Variants in CTNNBL1 observed in about 807,000 individuals in gnomAD.
The protein encoded by CTNNBL1 is catenin beta like 1.
CTNNBL1 carries 31 observed loss-of-function variants against 72.7 expected under a neutral mutation model. The observed-to-expected ratio is 0.43, with a 90% CI of 0.32 to 0.58. The LOEUF (loss-of-function observed/expected upper bound fraction) is 0.58. CTNNBL1 is among the 20% of genes least tolerant of loss of function. The probability of loss-of-function intolerance (pLI) is 0.08; values close to 1 mark genes in which losing one functional copy is unlikely to be tolerated. For synonymous variants in CTNNBL1, 240 were observed against 267.3 expected (o/e 0.90, Z 1.00); for missense variants, 534 against 725.1 (o/e 0.74, Z 3.03).
chr20:37,840,204 G>A lies in CTNNBL1; in HGVS notation c.1311+5G>A. ...ACTGAAAATGACAGTGAGAAGGTGG[G>A]TGACTGTTGGACTGTAAAGCTGGGA... On this transcript the variant is annotated splice_donor_5th_base_variant and intron_variant, in intron 12 of 15. Transcript: ENST00000361383. The A allele has an allele frequency of 6.3e-7, 1 of 1,599,784 alleles. No individual in the cohort carries two copies. The highest frequency in any genetic ancestry group is 8.6e-7 in the Non-Finnish European group (1 of 1,167,642).
chr20:37,701,142 A>T (rs1404647973), intron 1 of CTNNBL1, among the ~76,000 whole-genome samples: 1 of 152,178 alleles, frequency 6.6e-6, no homozygotes, highest in African/African-American at 2.4e-5. Context: ...TTTATGTTCT[A>T]TGTTTTTAAT....
At chr20:37,800,461 T>A (rs1240007453) in intron 10 of CTNNBL1, among the ~76,000 whole-genome samples, 1 of 152,190 alleles carries the variant, frequency 6.6e-6, no homozygotes, top group Non-Finnish European at 1.5e-5. Context: ...TTCCTGATGG[T>A]GAAATCTGGT....
In CTNNBL1 at chr20:37,854,612, C is replaced by T. The variant is rs550685701; in HGVS notation, c.1393-5287C>T. 3.8e-4 allele frequency among the ~76,000 whole-genome samples: 55 copies of T among 145,112 alleles called. 2 individuals are homozygous for T. The South Asian group carries it at 0.011, about 28-fold the overall frequency. On this transcript the variant is annotated intron_variant, in intron 13 of 15. Coordinates refer to ENST00000361383, the MANE Select transcript of CTNNBL1 (RefSeq NM_030877.5). Reference sequence around the variant, plus strand: ...TTATTATTATTATTATTATTTGAGACGGAGTTTTGCTCTGTGCCCCAGGCT... The same window carrying T: ...TTATTATTATTATTATTATTTGAGATGGAGTTTTGCTCTGTGCCCCAGGCT...
intron 13 of CTNNBL1, among the ~76,000 whole-genome samples, chr20:37,850,051 C>T (rs548994782): frequency 4.6e-5 from 7 of 152,224 alleles, no homozygotes; most frequent in Non-Finnish European, 1.0e-4. Context: ...TCTCAGTCTT[C>T]ACAAATAGGG....
At chr20:37,750,273 G>A (rs546658399) in intron 4 of CTNNBL1, 73 of 152,342 alleles carry the variant, frequency 4.8e-4, no homozygotes, top group African/African-American at 1.7e-3. Flanking sequence ...CCCAGCTATC[G>A]GTTGGCTGCA....
At position 37,746,606 on chromosome 20, in the gene CTNNBL1, A is replaced by G. The variant is rs772127934; in HGVS notation, c.465A>G (p.Thr155=). 3.0e-5 allele frequency: 49 copies of G among 1,613,930 alleles called. No homozygotes were observed. In the East Asian group the frequency reaches 3.6e-4, roughly 12 times the overall value. The change falls in exon 4 of 16, where the codon ACA becomes ACG. Residue 155 remains threonine, a splice_region_variant and synonymous_variant. Coordinates refer to ENST00000361383, the MANE Select transcript of CTNNBL1 (RefSeq NM_030877.5). Reference sequence around the variant, plus strand: ...TCGGCTTGCTCGGACACGATAATACAGATATCCTTTCAGATCTGACCTCAG... The same window carrying G: ...TCGGCTTGCTCGGACACGATAATACGGATATCCTTTCAGATCTGACCTCAG... ...SLLGLLGHDN[T]DVSIAVVDLL...
At chr20:37,804,563 G>A (rs1030952248) in intron 11 of CTNNBL1, among the ~76,000 whole-genome samples, 3 of 152,208 alleles carry the variant, frequency 2.0e-5, no homozygotes, top group Non-Finnish European at 4.4e-5. Flanking sequence ...TGAACTAGAA[G>A]CTCTGATAGC....
At chr20:37,752,073 GACAA>G (rs1180826301) in intron 4 of CTNNBL1, among the ~76,000 whole-genome samples, 2 of 152,294 alleles carry the variant, frequency 1.3e-5, no homozygotes, top group East Asian at 3.9e-4. Flanking sequence ...GAAACAAACA[GACAA>G]ACACACAAAA....
intron 1 of CTNNBL1, among the ~76,000 whole-genome samples, chr20:37,706,140 C>A (rs2072882623): frequency 6.6e-6 from 1 of 152,192 alleles, no homozygotes; most frequent in Non-Finnish European, 1.5e-5. Flanking sequence ...AGCAAGTTAT[C>A]TTTTTGCTGG....
chr20:37,835,894 A>C lies in CTNNBL1; in HGVS notation c.1214-4208A>C, dbSNP rs147103282. ...GGAATATTTAGATATATGAAATGCA[A>C]AATTTTCCCCCTGAAAATGTACACA... On this transcript the variant is annotated intron_variant, in intron 11 of 15. Transcript: ENST00000361383. Among the ~76,000 whole-genome samples the C allele has an allele frequency of 5.5e-3, 845 of 152,322 alleles. 8 individuals carry two copies. Among genetic ancestry groups the C allele is most frequent in the African/African-American group, 0.019 (808 of 41,562 alleles).
intron 11 of CTNNBL1, among the ~76,000 whole-genome samples, chr20:37,814,680 C>T (rs1467327468): frequency 6.6e-6 from 1 of 152,126 alleles, no homozygotes; most frequent in Non-Finnish European, 1.5e-5. Context: ...GACTGGGGCT[C>T]CAAGCATCTA....
intron 13 of CTNNBL1, among the ~76,000 whole-genome samples, chr20:37,858,905 A>G (rs570220510): frequency 1.3e-5 from 2 of 152,210 alleles, no homozygotes; most frequent in African/African-American, 2.4e-5. Flanking sequence ...GCCAGAGGGC[A>G]TATGTACGCA....
At chr20:37,733,790 C>G (rs1404530468) in intron 2 of CTNNBL1, among the ~76,000 whole-genome samples, 1 of 152,142 alleles carries the variant, frequency 6.6e-6, no homozygotes, top group East Asian at 1.9e-4. Context: ...ATTTGAAATT[C>G]TAGTTGTTTA....
chr20:37,808,360 G>T (rs1326976926), intron 11 of CTNNBL1, among the ~76,000 whole-genome samples: 1 of 152,152 alleles, frequency 6.6e-6, no homozygotes, highest in Non-Finnish European at 1.5e-5. Context: ...AACCTTTCCT[G>T]CAGTCAGAAA....
At position 37,745,749 on chromosome 20, in the gene CTNNBL1, T is replaced by C. The variant is rs191350677; in HGVS notation, c.327-719T>C. Among the ~76,000 whole-genome samples the C allele has an allele frequency of 2.0e-5, 3 of 152,318 alleles. No homozygotes were observed. In the East Asian group the frequency reaches 5.8e-4, roughly 29 times the overall value. ...CTCATTTCCATCTCAGAACAAACCT[T>C]CCTGTCTTGTTCATCCAAGGCTTAA... On this transcript the variant is annotated intron_variant, in intron 3 of 15. Coordinates refer to ENST00000361383, the MANE Select transcript of CTNNBL1 (RefSeq NM_030877.5).
chr20:37,708,996 G>A (rs1321859733), intron 1 of CTNNBL1, among the ~76,000 whole-genome samples: 5 of 152,132 alleles, frequency 3.3e-5, no homozygotes. Context: ...AATTAGTTGG[G>A]CATGGTAGCA....
chr20:37,804,202 T>TA (rs1348156560), intron 11 of CTNNBL1, among the ~76,000 whole-genome samples: 17 of 152,230 alleles, frequency 1.1e-4, no homozygotes, highest in Admixed American at 1.0e-3. Flanking sequence ...TAGCTATAAA[T>TA]ATGTTAACCC....
intron 3 of CTNNBL1, among the ~76,000 whole-genome samples, chr20:37,743,538 TAAAA>T (rs2073236470): frequency 6.6e-6 from 1 of 152,060 alleles, no homozygotes; most frequent in African/African-American, 2.4e-5. Flanking sequence ...CACTGAAAAA[TAAAA>T]ACAACAAGGG....
At chr20:37,723,903 C>T (rs556216247) in intron 1 of CTNNBL1, among the ~76,000 whole-genome samples, 1 of 152,272 alleles carries the variant, frequency 6.6e-6, no homozygotes, top group South Asian at 2.1e-4. Context: ...AGGTTTCATG[C>T]CTGCAAATAT....
Sources: gnomAD v4.1 joint callset for allele counts (sites outside exome capture counted in the v4.1 genomes callset) on GRCh38, gnomAD v4.1.1 for gene constraint, MANE v1.5 for transcripts, NCBI Gene and HGNC (gene_info 2026-07-23, HGNC 2026-07-21) for gene names.